The following RELN variants were observed in gnomAD, a reference collection of about 807,000 sequenced individuals.
The protein encoded by RELN is reelin.
A neutral mutation model predicts 427.6 loss-of-function variants in RELN; 108 were observed. That is an observed-to-expected ratio of 0.25 (90% confidence interval 0.22 to 0.30). The LOEUF (loss-of-function observed/expected upper bound fraction) is 0.30, where lower values mean the gene tolerates loss of function less well. Ranked by LOEUF, RELN falls within the 10% of genes least tolerant of loss-of-function variation. The pLI is 1.00. For synonymous variants in RELN, 1,524 were observed against 1,513.4 expected, an observed-to-expected ratio of 1.01 and a Z score of -0.16; for missense variants, 3,715 against 4,302.8, an observed-to-expected ratio of 0.86 and a Z score of 3.82.
At chr7:103,597,024 T>G (rs1184599550) in intron 24 of RELN, among the ~76,000 whole-genome samples, 3 of 152,244 alleles carry the variant, frequency 2.0e-5, no homozygotes, top group Non-Finnish European at 4.4e-5. Context: ...GACCATCTAT[T>G]TGAAATCTGT....
chr7:103,859,018 CTG>C (rs1794011381), intron 2 of RELN, among the ~76,000 whole-genome samples: 1 of 152,300 alleles, frequency 6.6e-6, no homozygotes, highest in African/African-American at 2.4e-5. Flanking sequence ...CTCTTCATGA[CTG>C]TGAACAGTCA....
chr7:103,936,599 C>T lies in RELN; in HGVS notation c.227-19414G>A, dbSNP rs750804465. Among the ~76,000 whole-genome samples the T allele has an allele frequency of 4.5e-4, 69 of 152,134 alleles. 1 individual carries two copies. Among genetic ancestry groups the T allele is most frequent in the Admixed American group, 4.6e-4 (7 of 15,252 alleles). On this transcript the variant is annotated intron_variant, in intron 1 of 64. Transcript: ENST00000428762. The stretch of plus-strand genomic sequence containing the variant: ...CGACAAATCCTTGCTTACTATTCAG[C>T]CTCATCTTGAACAATAAATGCCCTC...
intron 3 of RELN, among the ~76,000 whole-genome samples, chr7:103,818,268 T>G (rs1222052459): frequency 1.3e-5 from 2 of 152,186 alleles, no homozygotes; most frequent in Non-Finnish European, 1.5e-5. Context: ...TGCGTTGCTT[T>G]TCAACTGAAT....
At position 103,561,716 on chromosome 7, in the gene RELN, A is replaced by G. The variant is rs1265444955; in HGVS notation, c.5352-7T>C. 1 of 1,613,982 alleles carries G rather than the reference A, an allele frequency of 6.2e-7. No homozygotes were observed. The highest frequency in any genetic ancestry group is 1.7e-5 in the Admixed American group (1 of 59,982). On this transcript the variant is annotated splice_region_variant and splice_polypyrimidine_tract_variant and intron_variant, in intron 35 of 64. Coordinates refer to ENST00000428762, the MANE Select transcript of RELN (RefSeq NM_005045.4). ...ACCAAAGCCCCGGTCACACCTAAGA[A>G]AGAGAGGGAGTGGAGAAAAGACATT...
At chr7:103,629,861 T>G in intron 20 of RELN, 79 bp downstream of exon 20, 1 of 933,792 alleles carries the variant, frequency 1.1e-6, no homozygotes, top group Non-Finnish European at 1.8e-6. Flanking sequence ...AATGACTAAA[T>G]GCTGAATAGA....
intron 3 of RELN, among the ~76,000 whole-genome samples, chr7:103,788,593 C>T (rs1279783735): frequency 6.6e-6 from 1 of 151,814 alleles, no homozygotes; most frequent in Non-Finnish European, 1.5e-5. Flanking sequence ...TTCACAATTG[C>T]GACAGAGAAT....
chr7:103,645,032 G>A (rs555315568), intron 16 of RELN, among the ~76,000 whole-genome samples: 1 of 151,674 alleles, frequency 6.6e-6, no homozygotes, highest in Non-Finnish European at 1.5e-5. Flanking sequence ...TTAGAATTAA[G>A]CTTCATAAAT....
intron 6 of RELN, among the ~76,000 whole-genome samples, chr7:103,746,509 AC>A (rs1189505357): frequency 6.6e-6 from 1 of 151,958 alleles, no homozygotes; most frequent in Non-Finnish European, 1.5e-5. Flanking sequence ...AATTTTTGCA[AC>A]CTACTCATCT....
intron 1 of RELN, among the ~76,000 whole-genome samples, chr7:103,926,368 A>C (rs919813801): frequency 1.3e-5 from 2 of 152,084 alleles, no homozygotes; most frequent in Non-Finnish European, 1.5e-5. Context: ...TGCTACGATT[A>C]CAGGCGTGAG....
At chr7:103,869,999 T>C (rs899733750) in intron 2 of RELN, among the ~76,000 whole-genome samples, 2 of 152,152 alleles carry the variant, frequency 1.3e-5, no homozygotes, top group African/African-American at 4.8e-5. Context: ...TTCTTTCTTC[T>C]GCCATCCTCA....
intron 10 of RELN, among the ~76,000 whole-genome samples, chr7:103,691,344 CA>C (rs150245959): frequency 0.014 from 2,180 of 152,158 alleles, 57 homozygotes; most frequent in African/African-American, 0.05. Flanking sequence ...CGCCAAAAAA[CA>C]GAAAGAAATA....
chr7:103,945,845 C>T (rs1354265057), intron 1 of RELN, among the ~76,000 whole-genome samples: 1 of 152,044 alleles, frequency 6.6e-6, no homozygotes, highest in Non-Finnish European at 1.5e-5. Flanking sequence ...TTACCATTGC[C>T]TCTGGTATTC....
rs562897139 is a variant in RELN, at chr7:103,846,230, G to C, written c.338-12558C>G. On this transcript the variant is annotated intron_variant, in intron 2 of 64. Transcript: ENST00000428762. Reference sequence around the variant, plus strand: ...ACAGCATGGTACTGGTATGAAAACAGATATACAGACCAATGGAACACAGCA... The same window carrying C: ...ACAGCATGGTACTGGTATGAAAACACATATACAGACCAATGGAACACAGCA... Among the ~76,000 whole-genome samples, 13 of 152,250 alleles carry C rather than the reference G, an allele frequency of 8.5e-5. No individual in the cohort carries two copies. In the South Asian group the frequency reaches 2.7e-3, roughly 32 times the overall value.
Position 103,503,210 on chromosome 7 carries a change from C to T in RELN, c.8295G>A (p.Val2765=), listed in dbSNP as rs148821179. Residue 2765 remains valine (V), a synonymous_variant, in exon 52 of 65, where the codon GTG becomes GTA. Transcript: ENST00000428762. Reference sequence around the variant, plus strand: ...TTTGATTCTGGGCAATTTTTTCAGACACCTTACATCCAACTGAGATCTAAT... The same window carrying T: ...TTTGATTCTGGGCAATTTTTTCAGATACCTTACATCCAACTGAGATCTAAT... ...MQFKISVGCK[V]SEKIAQNQIH... The T allele has an allele frequency of 8.1e-6, 13 of 1,613,946 alleles. No homozygotes were observed. Among genetic ancestry groups the T allele is most frequent in the Non-Finnish European group, 1.0e-5 (12 of 1,179,956 alleles).
rs1193981930 is a variant in RELN at position 103,749,470 on chromosome 7, A to G, written c.612T>C (p.Asp204=). The change falls in exon 6 of 65, where the codon GAT becomes GAC. Residue 204 remains aspartate, a synonymous_variant. Coordinates refer to ENST00000428762, the MANE Select transcript of RELN (RefSeq NM_005045.4). ...EIHSDSIILR[D]DFDSYHQLQL... is the part of the protein sequence containing the mutation. ...GCAGTTGGTGGTAGGAGTCAAAGTC[A>G]TCTCTCAGGATAATGCTGTCACTAT... The G allele has an allele frequency of 6.2e-7, 1 of 1,613,162 alleles. No individual in the cohort carries two copies. Among genetic ancestry groups the G allele is most frequent in the East Asian group, 2.2e-5 (1 of 44,816 alleles).
rs138605131 is a variant in RELN, at chr7:103,921,542, A to G, written c.227-4357T>C. ...TTATCGATTTCATACAGAATTCTGAACTTGCCAGTCCATTTTAAGGGGGAA... is the reference window on the plus strand; with the variant it reads ...TTATCGATTTCATACAGAATTCTGAGCTTGCCAGTCCATTTTAAGGGGGAA... On this transcript the variant is annotated intron_variant, in intron 1 of 64. Transcript: ENST00000428762. 1.6e-3 allele frequency among the ~76,000 whole-genome samples: 245 copies of G among 152,342 alleles called. 1 individual carries two copies. Among genetic ancestry groups the G allele is most frequent in the African/African-American group, 5.8e-3 (241 of 41,590 alleles).
At chr7:103,495,663 T>C (rs984812950) in intron 57 of RELN, 60 bp downstream of exon 57, 59 of 1,485,462 alleles carry the variant, frequency 4.0e-5, no homozygotes, top group Non-Finnish European at 5.2e-5. Context: ...GACTAACCAT[T>C]CTCCCTCGAG....
At chr7:103,770,790 G>C (rs979533012) in intron 4 of RELN, among the ~76,000 whole-genome samples, 1 of 151,642 alleles carries the variant, frequency 6.6e-6, no homozygotes, top group African/African-American at 2.4e-5. Context: ...ACAGTAATCT[G>C]TCTTCCCTTG....
At chr7:103,579,168 A>T (rs894069812) in intron 28 of RELN, among the ~76,000 whole-genome samples, 7 of 152,368 alleles carry the variant, frequency 4.6e-5, no homozygotes, top group Middle Eastern at 6.8e-3. Flanking sequence ...AAATGCACCC[A>T]TGCAACTCCG....
Sources: gnomAD v4.1 joint callset for allele counts (sites outside exome capture counted in the v4.1 genomes callset) on GRCh38, gnomAD v4.1.1 for gene constraint, MANE v1.5 for transcripts, NCBI Gene and HGNC (gene_info 2026-07-23, HGNC 2026-07-21) for gene names.